MPHOSPH8: variants seen among roughly 807,000 people sequenced by gnomAD.
MPHOSPH8 encodes M-phase phosphoprotein, mpp.
MPHOSPH8 carries 45 observed loss-of-function variants against 87.3 expected under a neutral mutation model. The ratio of observed to expected loss-of-function variants is 0.52; its 90% CI spans 0.41 to 0.66. MPHOSPH8 has a LOEUF of 0.66. Among genes scored for constraint, MPHOSPH8 ranks in the 30% least tolerant of loss-of-function variants. The pLI, the probability that MPHOSPH8 is intolerant of heterozygous loss-of-function variation, is 0.00. For missense variants in MPHOSPH8, 883 were observed against 1,020.2 expected (o/e 0.87, Z 1.83); for synonymous variants, 366 against 376.9 (o/e 0.97, Z 0.33).
intron 13 of MPHOSPH8, 127 bp from the exon 14 acceptor site, chr13:19,671,701 CAATGTA>C: frequency 1.4e-6 from 1 of 734,318 alleles, no homozygotes; most frequent in Non-Finnish European, 2.4e-6. Context: ...AATGATCTAA[CAATGTA>C]AATTGATAAG....
At chr13:19,671,418 G>C in intron 13 of MPHOSPH8, 129 bp downstream of exon 13, 1 of 708,648 alleles carries the variant, frequency 1.4e-6, no homozygotes, top group South Asian at 1.7e-5. Flanking sequence ...CCCTGGGGTA[G>C]TGATGCTAGG....
intron 2 of MPHOSPH8, among the ~76,000 whole-genome samples, chr13:19,643,277 T>C (rs185466764): frequency 1.5e-4 from 23 of 152,300 alleles, no homozygotes; most frequent in Non-Finnish European, 2.9e-4. Context: ...CAGTCTTGCT[T>C]CTGTCACCCA....
intron 9 of MPHOSPH8, among the ~76,000 whole-genome samples, chr13:19,663,574 A>C (rs1446643613): frequency 1.3e-5 from 2 of 152,070 alleles, no homozygotes; most frequent in South Asian, 2.1e-4. Flanking sequence ...TATGTTGGTG[A>C]ATTTGTTGCC....
chr13:19,666,399 TTG>T (rs1369087574), intron 9 of MPHOSPH8, 24 bp from the exon 10 acceptor site: 1 of 1,585,584 alleles, frequency 6.3e-7, no homozygotes, highest in Admixed American at 1.7e-5. Flanking sequence ...AGCTAAGTAA[TTG>T]TTACTCCTTT....
chr13:19,656,171 C>T (rs1875153891), intron 5 of MPHOSPH8, among the ~76,000 whole-genome samples: 1 of 149,048 alleles, frequency 6.7e-6, no homozygotes, highest in Non-Finnish European at 1.5e-5. Flanking sequence ...CCCAGCTACT[C>T]AGGAAGCTAA....
Position 19,646,575 on chromosome 13 carries a change from C to A in MPHOSPH8, c.502C>A (p.Leu168Met). 1.9e-6 allele frequency: 3 copies of A among 1,583,234 alleles called. No homozygotes were observed. The highest frequency in any genetic ancestry group is 2.6e-6 in the Non-Finnish European group (3 of 1,172,848). Residue 168 changes from leucine to methionine, a missense_variant, in exon 3 of 14, where the codon CTG becomes ATG. Leu to Met is a conservative substitution (Grantham distance 15). Coordinates refer to ENST00000361479, the MANE Select transcript of MPHOSPH8 (RefSeq NM_017520.4). Reference protein sequence around the residue: ...RQREEKSPDDLKKKKAKAGKL... With the variant: ...RQREEKSPDDMKKKKAKAGKL... Reference sequence around the variant, plus strand: ...GAGAGAAGAGAAAAGCCCAGATGATCTGAAAAAGAAAAAAGCAAAGGCCGG... The same window carrying A: ...GAGAGAAGAGAAAAGCCCAGATGATATGAAAAAGAAAAAAGCAAAGGCCGG...
chr13:19,666,675 A>T, intron 10 of MPHOSPH8, 96 bp downstream of exon 10: 1 of 1,112,838 alleles, frequency 9.0e-7, no homozygotes, highest in African/African-American at 1.5e-5. Flanking sequence ...GTAACTGCTC[A>T]GAAAAACATC....
chr13:19,660,062 C>T (rs897023024), intron 7 of MPHOSPH8, among the ~76,000 whole-genome samples: 6 of 149,628 alleles, frequency 4.0e-5, no homozygotes, highest in African/African-American at 1.2e-4. Context: ...CCCGGGTTCA[C>T]GCCATTCTCC....
At position 19,657,048 on chromosome 13, in the gene MPHOSPH8, G is replaced by A. The variant is rs922258902; in HGVS notation, c.1577-1947G>A. On this transcript the variant is annotated intron_variant, in intron 5 of 13. Transcript: ENST00000361479. ...GAGGCAGGAGAATTGCTTGAACCCAGGAGGTGGAGGTTGCAGTGAGCTGAG... is the reference window on the plus strand; with the variant it reads ...GAGGCAGGAGAATTGCTTGAACCCAAGAGGTGGAGGTTGCAGTGAGCTGAG... Among the ~76,000 whole-genome samples the A allele has an allele frequency of 4.0e-5, 6 of 149,358 alleles. No homozygotes were observed. In the East Asian group the frequency reaches 6.0e-4, roughly 15 times the overall value.
chr13:19,671,799 T>C (rs762749155), intron 13 of MPHOSPH8, 35 bp from the exon 14 acceptor site: 5 of 1,607,430 alleles, frequency 3.1e-6, no homozygotes, highest in South Asian at 1.1e-5. Flanking sequence ...GAAATCTGGA[T>C]CTGTACTGAC....
At chr13:19,668,343 A>G in intron 10 of MPHOSPH8, 34 bp from the exon 11 acceptor site, 3 of 1,593,668 alleles carry the variant, frequency 1.9e-6, no homozygotes, top group Non-Finnish European at 2.6e-6. Context: ...TCTTTTCTAC[A>G]TTAACGTTAA....
At chr13:19,634,353 C>G (rs1224395413) in intron 1 of MPHOSPH8, among the ~76,000 whole-genome samples, 1 of 152,170 alleles carries the variant, frequency 6.6e-6, no homozygotes, top group African/African-American at 2.4e-5. Flanking sequence ...AAACCGTAAC[C>G]AACTCCCTGG....
At chr13:19,661,244 T>C (rs1288438465) in intron 7 of MPHOSPH8, among the ~76,000 whole-genome samples, 1 of 152,260 alleles carries the variant, frequency 6.6e-6, no homozygotes, top group Non-Finnish European at 1.5e-5. Flanking sequence ...TACACTATAC[T>C]GTAGTCTAAA....
intron 11 of MPHOSPH8, 74 bp downstream of exon 11, chr13:19,668,605 C>A: frequency 6.9e-7 from 1 of 1,444,650 alleles, no homozygotes. Flanking sequence ...AGACAGAATC[C>A]TTTCTTGGAA....
intron 5 of MPHOSPH8, among the ~76,000 whole-genome samples, chr13:19,652,337 T>C (rs1409889132): frequency 1.3e-5 from 2 of 151,960 alleles, no homozygotes; most frequent in African/African-American, 2.4e-5. Context: ...GTCGGGGAAC[T>C]CCCTCCCCTA....
At chr13:19,654,386 A>C (rs1322771256) in intron 5 of MPHOSPH8, among the ~76,000 whole-genome samples, 2 of 152,180 alleles carry the variant, frequency 1.3e-5, no homozygotes, top group South Asian at 4.1e-4. Context: ...AGATGACAGG[A>C]TGAGGGGTGC....
In MPHOSPH8 at chr13:19,663,040, A is replaced by G. The variant is rs1318626277; in HGVS notation, c.1933A>G (p.Asn645Asp). ...AATTTGCCTTTTTTTCTTTTCATAGAACTTTTTAACAACAGTGGCTATTCT... is the reference window on the plus strand; with the variant it reads ...AATTTGCCTTTTTTTCTTTTCATAGGACTTTTTAACAACAGTGGCTATTCT... ...TTALIHAAEK[N>D]FLTTVAILLE... The change falls in exon 9 of 14, where the codon AAC becomes GAC. Residue 645 changes from asparagine (N) to aspartate (D), a missense_variant and splice_region_variant. This residue lies in a region of MPHOSPH8 where 741 missense variants were observed against 841.5 expected (regional missense o/e 0.88). Transcript: ENST00000361479. 6.2e-7 allele frequency: 1 copy of G among 1,609,820 alleles called. No homozygotes were observed. The highest frequency in any genetic ancestry group is 8.5e-7 in the Non-Finnish European group (1 of 1,176,980).
chr13:19,641,963 C>T, intron 1 of MPHOSPH8, 152 bp from the exon 2 acceptor site: 1 of 588,954 alleles, frequency 1.7e-6, no homozygotes. Flanking sequence ...CCACTTTTCT[C>T]AGGAGATGTG....
In MPHOSPH8 at chr13:19,647,059, G is replaced by C; in HGVS notation, c.986G>C (p.Arg329Thr). The change falls in exon 3 of 14, where the codon AGG (arginine) becomes ACG (threonine). Residue 329 changes from arginine to threonine, a missense_variant. Transcript: ENST00000361479. ...SAEEDTDVRGRRKKKTPRKAE... is the reference protein window; with the variant it reads ...SAEEDTDVRGTRKKKTPRKAE... ...GAGGAGGATACCGATGTCAGAGGCAGGAGGAAAAAGAAGACCCCGAGAAAG... is the reference window on the plus strand; with the variant it reads ...GAGGAGGATACCGATGTCAGAGGCACGAGGAAAAAGAAGACCCCGAGAAAG... 6.2e-7 allele frequency: 1 copy of C among 1,606,676 alleles called. No individual in the cohort carries two copies. Among genetic ancestry groups the C allele is most frequent in the Admixed American group, 1.8e-5 (1 of 57,128 alleles).
Sources: allele counts gnomAD v4.1 joint callset (sites outside exome capture counted in the v4.1 genomes callset), GRCh38; gene constraint gnomAD v4.1.1; regional missense constraint gnomAD v4.1.1; transcripts MANE v1.5; gene names NCBI Gene and HGNC (gene_info 2026-07-23, HGNC 2026-07-21).